Variants in PTGER4 observed in about 807,000 individuals in gnomAD.
PTGER4 encodes the protein prostaglandin E receptor 4, also known as prostaglandin E2 receptor EP4 subtype.
In PTGER4, 11 loss-of-function variants were observed where a neutral mutation model predicts 33.2. The observed-to-expected ratio is 0.33, with a 90% CI of 0.21 to 0.55. The LOEUF (loss-of-function observed/expected upper bound fraction) is 0.55. PTGER4 is among the 20% of genes least tolerant of loss of function. The pLI is 0.92. For synonymous variants in PTGER4, 275 were observed against 281.5 expected (o/e 0.98, Z 0.23); for missense variants, 481 against 650.2 (o/e 0.74, Z 2.83).
intron 2 of PTGER4, among the ~76,000 whole-genome samples, chr5:40,689,562 C>T (rs1266748191): frequency 6.6e-6 from 1 of 152,054 alleles, no homozygotes; most frequent in Non-Finnish European, 1.5e-5. Context: ...CTAGTAAGTG[C>T]CAAAGGAACA....
the PTGER4 span, among the ~76,000 whole-genome samples, chr5:40,737,252 G>A: frequency 1.3e-5 from 2 of 151,620 alleles, no homozygotes; most frequent in East Asian, 1.9e-4. Flanking sequence ...AGACAAGATC[G>A]TGCTACTGCA....
chr5:40,690,939 T>C (rs780249251), intron 2 of PTGER4, among the ~76,000 whole-genome samples: 15 of 152,248 alleles, frequency 9.9e-5, no homozygotes, highest in Non-Finnish European at 1.5e-4. Context: ...CTAGGGAAGA[T>C]AATCATAAGA....
At chr5:40,741,996 A>T in the PTGER4 span, among the ~76,000 whole-genome samples, 2 of 152,282 alleles carry the variant, frequency 1.3e-5, no homozygotes, top group Middle Eastern at 3.4e-3. Context: ...TCTCAAAAAA[A>T]AGAAAAAAAA....
the PTGER4 span, among the ~76,000 whole-genome samples, chr5:40,709,591 G>C: frequency 6.6e-6 from 1 of 152,190 alleles, no homozygotes; most frequent in African/African-American, 2.4e-5. Flanking sequence ...TCAATATCAT[G>C]AAAATGGCCA....
the PTGER4 span, among the ~76,000 whole-genome samples, chr5:40,702,056 T>G: frequency 0.67 from 101,931 of 151,970 alleles, 34,340 homozygotes; most frequent in East Asian, 0.8. Flanking sequence ...AGGAAAGACC[T>G]CTAGCAGCTG....
At chr5:40,744,785 A>G in the PTGER4 span, among the ~76,000 whole-genome samples, 1 of 152,180 alleles carries the variant, frequency 6.6e-6, no homozygotes, top group South Asian at 2.1e-4. Flanking sequence ...CACAGAGGAC[A>G]ATGCTTTAAG....
chr5:40,721,492 T>C, the PTGER4 span, among the ~76,000 whole-genome samples: 1 of 152,124 alleles, frequency 6.6e-6, no homozygotes, highest in Non-Finnish European at 1.5e-5. Flanking sequence ...GGGCATTAAG[T>C]ATACATAATG....
Position 40,680,573 on chromosome 5 carries a change from T to G in PTGER4, c.-44+95T>G. 1.9e-5 allele frequency: 3 copies of G among 159,362 alleles called. No homozygotes were observed. Among genetic ancestry groups the G allele is most frequent in the South Asian group, 1.8e-4 (1 of 5,658 alleles). 9.9% of individuals were successfully genotyped at this position (159,362 alleles called of 1,614,324 possible). A position where few individuals can be genotyped will look rare whatever the true frequency, so the allele number is the denominator to read the frequency against. ...GAGCCAAGAAGGGAAGAGCGCGCTC[T>G]CCAAATTGCTTTTGTAACTTGTTTT... On this transcript the variant is annotated intron_variant, in intron 1 of 2. Coordinates refer to ENST00000302472, the MANE Select transcript of PTGER4 (RefSeq NM_000958.3). The surrounding 1 kb of genome is among the most constrained non-coding windows in gnomAD (Gnocchi z 5.5).
chr5:40,738,439 AAATAAAATAC>A, the PTGER4 span, among the ~76,000 whole-genome samples: 1,865 of 119,558 alleles, frequency 0.016, 104 homozygotes, highest in African/African-American at 0.027. Context: ...ATAAAATATA[AAATAAAATAC>A]AATACAATAC....
In PTGER4 at chr5:40,692,059, G is replaced by A. The variant is rs751806134; in HGVS notation, c.1148G>A (p.Arg383Gln). ...MSGHSRSFIS[R>Q]ELKEISSTSQ... ...GGCCACTCTCGCTCCTTCATCTCCC[G>A]GGAGCTGAAGGAGATCAGCAGTACA... Residue 383 changes from arginine to glutamine, a missense_variant, in exon 3 of 3, where the codon CGG (arginine) becomes CAG (glutamine). Around this residue, in one of 7 missense-constraint regions of PTGER4, gnomAD observed 172 missense variants for 199.2 expected, o/e 0.86. Transcript: ENST00000302472. 2.7e-5 allele frequency: 43 copies of A among 1,613,984 alleles called. No homozygotes were observed. Among genetic ancestry groups the A allele is most frequent in the Admixed American group, 3.3e-5 (2 of 60,006 alleles).
chr5:40,729,481 A>G, the PTGER4 span, among the ~76,000 whole-genome samples: 2 of 152,234 alleles, frequency 1.3e-5, no homozygotes, highest in African/African-American at 4.8e-5. Context: ...ACATGTTTTT[A>G]AAGTACAAAT....
the PTGER4 span, among the ~76,000 whole-genome samples, chr5:40,744,176 C>T: frequency 7.2e-5 from 11 of 152,320 alleles, no homozygotes; most frequent in African/African-American, 2.6e-4. Context: ...CTAAGACAGA[C>T]TAGTCAATCT....
At chr5:40,695,734 G>T (rs898035393), downstream of PTGER4, among the ~76,000 whole-genome samples, 1 of 152,156 alleles carries the variant, frequency 6.6e-6, no homozygotes, top group Non-Finnish European at 1.5e-5. Context: ...ATGGTACTTT[G>T]TGCGGTCATA....
chr5:40,709,626 C>A, the PTGER4 span, among the ~76,000 whole-genome samples: 2 of 149,132 alleles, frequency 1.3e-5, no homozygotes, highest in African/African-American at 4.9e-5. Context: ...ATTTATAGAT[C>A]CAATGCCATC....
chr5:40,734,255 C>A, the PTGER4 span, among the ~76,000 whole-genome samples: 1 of 152,146 alleles, frequency 6.6e-6, no homozygotes, highest in Non-Finnish European at 1.5e-5. Flanking sequence ...AAACTTGGCA[C>A]TGAACAAATC....
At position 40,681,196 on chromosome 5, in the gene PTGER4, G is replaced by A; in HGVS notation, c.203G>A (p.Gly68Asp). 6.2e-7 allele frequency: 1 copy of A among 1,614,164 alleles called. No homozygotes were observed. The highest frequency in any genetic ancestry group is 8.5e-7 in the Non-Finnish European group (1 of 1,180,048). The change falls in exon 2 of 3, where the codon GGC becomes GAC. Residue 68 changes from glycine (G) to aspartate (D), a missense_variant. Coordinates refer to ENST00000302472, the MANE Select transcript of PTGER4 (RefSeq NM_000958.3). This position sits in a 1 kb window ranked among gnomAD's most constrained non-coding sequence, Gnocchi z 9.8. Reference sequence around the variant, plus strand: ...GGGCTGGCTGTCACCGACCTGTTGGGCACTTTGTTGGTGAGCCCGGTGACC... The same window carrying A: ...GGGCTGGCTGTCACCGACCTGTTGGACACTTTGTTGGTGAGCCCGGTGACC... ...VCGLAVTDLL[G>D]TLLVSPVTIA...
At chr5:40,699,403 TTTTA>T in the PTGER4 span, among the ~76,000 whole-genome samples, 2 of 152,126 alleles carry the variant, frequency 1.3e-5, no homozygotes, top group African/African-American at 2.4e-5. Context: ...GCCTAAGTGA[TTTTA>T]TTTGTGAGCT....
the PTGER4 span, among the ~76,000 whole-genome samples, chr5:40,701,692 A>T: frequency 6.6e-6 from 1 of 152,192 alleles, no homozygotes; most frequent in African/African-American, 2.4e-5. Context: ...TTCCTATAAA[A>T]TTCTGCACAA....
the PTGER4 span, among the ~76,000 whole-genome samples, chr5:40,707,229 G>A: frequency 6.6e-6 from 1 of 152,078 alleles, no homozygotes; most frequent in African/African-American, 2.4e-5. Context: ...AAAGACACCG[G>A]ACTGGCAAAT....
Sources: gnomAD v4.1 joint callset for allele counts (sites outside exome capture counted in the v4.1 genomes callset) on GRCh38, gnomAD v4.1.1 for gene constraint, gnomAD v4.1.1 regional missense constraint, Gnocchi (gnomAD v3.1) non-coding constraint, MANE v1.5 for transcripts, NCBI Gene and HGNC (gene_info 2026-07-23, HGNC 2026-07-21) for gene names.